The following KIF13B variants were observed in gnomAD, a reference collection of about 807,000 sequenced individuals.
KIF13B encodes kinesin-like protein KIF13B.
Under a neutral mutation model 222.0 loss-of-function variants are expected in KIF13B, and 127 were observed. The observed-to-expected ratio is 0.57, with a 90% CI of 0.50 to 0.66. The LOEUF is 0.66. Among genes scored for constraint, KIF13B ranks in the 30% least tolerant of loss-of-function variants. The pLI is 0.00. For synonymous variants in KIF13B, 976 were observed against 919.0 expected, an observed-to-expected ratio of 1.06 and a Z score of -1.12; for missense variants, 2,173 against 2,379.0, an observed-to-expected ratio of 0.91 and a Z score of 1.80.
intron 37 of KIF13B, among the ~76,000 whole-genome samples, chr8:29,091,980 T>G (rs1259672586): frequency 6.6e-6 from 1 of 152,264 alleles, no homozygotes; most frequent in Non-Finnish European, 1.5e-5. Flanking sequence ...ATTCTTTAGT[T>G]AAGTCTCAGA....
At chr8:29,178,683 T>TTTTTG (rs896046885) in intron 8 of KIF13B, among the ~76,000 whole-genome samples, 5 of 151,872 alleles carry the variant, frequency 3.3e-5, no homozygotes, top group Non-Finnish European at 5.9e-5. Flanking sequence ...TTCAGTATGT[T>TTTTTG]TTTTGTTTTA....
chr8:29,107,947 C>CAA (rs1809169726), intron 35 of KIF13B, among the ~76,000 whole-genome samples, 192 bp downstream of exon 35: 1 of 152,100 alleles, frequency 6.6e-6, no homozygotes, highest in Non-Finnish European at 1.5e-5. Flanking sequence ...CCCCAGTAGT[C>CAA]AGAGTCTAAT....
At chr8:29,256,862 A>C (rs1482961406) in intron 1 of KIF13B, among the ~76,000 whole-genome samples, 2 of 152,088 alleles carry the variant, frequency 1.3e-5, no homozygotes, top group Non-Finnish European at 2.9e-5. Flanking sequence ...TGAAGCGATT[A>C]TCCCACCTCA....
rs376444669 is a variant in KIF13B, at chr8:29,167,517, A to G, written c.1014T>C (p.Asp338=). 10 of 1,613,932 alleles carry G rather than the reference A, an allele frequency of 6.2e-6. No individual in the cohort carries two copies. The highest frequency in any genetic ancestry group is 5.3e-5 in the African/African-American group (4 of 74,932). ...ATVSPAADNY[D]ETLSTLRYAD... ...CATACCGCAGAGTTGAGAGGGTTTC[A>G]TCATAGTTATCAGCTGCAGGACTCA... Residue 338 remains aspartate, a synonymous_variant, in exon 11 of 40, where the codon GAT becomes GAC. Transcript: ENST00000524189.
chr8:29,161,508 C>T (rs140487679), intron 12 of KIF13B, among the ~76,000 whole-genome samples: 434 of 152,212 alleles, frequency 2.9e-3, no homozygotes, highest in African/African-American at 9.9e-3. Flanking sequence ...CGTTCAAGAC[C>T]AGCCTGGTGA....
intron 2 of KIF13B, among the ~76,000 whole-genome samples, chr8:29,235,022 T>C (rs62505663): frequency 3.2e-4 from 48 of 152,206 alleles, no homozygotes; most frequent in Non-Finnish European, 6.6e-4. Context: ...TGCCTGAGTA[T>C]GCAATCTCTA....
At chr8:29,223,323 C>T (rs1332369751) in intron 2 of KIF13B, among the ~76,000 whole-genome samples, 3 of 133,130 alleles carry the variant, frequency 2.3e-5, no homozygotes, top group Middle Eastern at 3.7e-3. Context: ...GTGAGAGAGA[C>T]CCTGTCTCAA....
At chr8:29,262,461 G>GC (rs993340023) in intron 1 of KIF13B, among the ~76,000 whole-genome samples, 32 of 152,130 alleles carry the variant, frequency 2.1e-4, no homozygotes, top group Non-Finnish European at 1.6e-4. Flanking sequence ...CACCCGCCTG[G>GC]CCCCCTGCCC....
chr8:29,233,446 G>A (rs1271175228), intron 2 of KIF13B, among the ~76,000 whole-genome samples: 1 of 152,184 alleles, frequency 6.6e-6, no homozygotes, highest in East Asian at 1.9e-4. Flanking sequence ...TAGCAACCCA[G>A]GGATGACTTA....
At chr8:29,131,389 T>C (rs931325372) in intron 23 of KIF13B, among the ~76,000 whole-genome samples, 8 of 151,426 alleles carry the variant, frequency 5.3e-5, no homozygotes, top group African/African-American at 1.2e-4. Context: ...TTTTCGTAGA[T>C]AGACAAAGGT....
chr8:29,181,951 C>T lies in KIF13B; in HGVS notation c.553G>A (p.Gly185Arg), dbSNP rs761142986. The change falls in exon 7 of 40, where the codon GGA becomes AGA. Residue 185 changes from glycine to arginine, a missense_variant. Coordinates refer to ENST00000524189, the MANE Select transcript of KIF13B (RefSeq NM_015254.4). ...CTTGTGACAGCCAGTTTAGAAAGTC[C>T]GTCGACATAAGGTCCCAACACACTA... Reference protein sequence around the residue: ...EHSVLGPYVDGLSKLAVTSYK... With the variant: ...EHSVLGPYVDRLSKLAVTSYK... The T allele has an allele frequency of 1.7e-5, 27 of 1,613,350 alleles. No homozygotes were observed. Among genetic ancestry groups the T allele is most frequent in the Non-Finnish European group, 1.5e-5 (18 of 1,179,618 alleles).
intron 11 of KIF13B, 80 bp from the exon 12 acceptor site, chr8:29,165,852 G>GT: frequency 1.1e-6 from 1 of 926,324 alleles, no homozygotes; most frequent in South Asian, 1.4e-5. Flanking sequence ...AAGGACAAAA[G>GT]TAACAATCTG....
At chr8:29,098,642 A>G (rs984699841) in intron 36 of KIF13B, among the ~76,000 whole-genome samples, 2 of 151,748 alleles carry the variant, frequency 1.3e-5, no homozygotes, top group African/African-American at 4.8e-5. Context: ...ATAATTTAAA[A>G]TCTCCCCACA....
chr8:29,197,357 A>AAAAAC (rs1563779893), intron 2 of KIF13B, among the ~76,000 whole-genome samples: 3 of 149,628 alleles, frequency 2.0e-5, no homozygotes, highest in Non-Finnish European at 1.5e-5. Context: ...AAAAAAAAAA[A>AAAAAC]AAAACTCAAT....
intron 38 of KIF13B, 49 bp downstream of exon 38, chr8:29,075,232 C>T (rs1292692867): frequency 1.3e-6 from 2 of 1,491,452 alleles, no homozygotes; most frequent in African/African-American, 2.8e-5. Flanking sequence ...GCATCAGGGC[C>T]ACCTGCTCGC....
chr8:29,166,989 G>A (rs1377523041), intron 11 of KIF13B, among the ~76,000 whole-genome samples: 1 of 152,128 alleles, frequency 6.6e-6, no homozygotes, highest in Admixed American at 6.5e-5. Flanking sequence ...CTTCTACCAG[G>A]TAACAAATGA....
chr8:29,109,880 G>A, intron 33 of KIF13B, 38 bp downstream of exon 33: 1 of 1,604,918 alleles, frequency 6.2e-7, no homozygotes, highest in Non-Finnish European at 8.5e-7. Context: ...CCTGCATCAG[G>A]GCCTCTGCTG....
chr8:29,160,346 T>G (rs1337311585), intron 13 of KIF13B, among the ~76,000 whole-genome samples: 1 of 152,224 alleles, frequency 6.6e-6, no homozygotes, highest in Non-Finnish European at 1.5e-5. Context: ...TTTATACATT[T>G]TTTTCTTGTG....
At chr8:29,154,406 A>G (rs1586851527) in intron 14 of KIF13B, among the ~76,000 whole-genome samples, 1 of 151,298 alleles carries the variant, frequency 6.6e-6, no homozygotes, top group African/African-American at 2.4e-5. Flanking sequence ...GGAAGAGGGG[A>G]GGGGAGGCAG....
Sources: allele counts gnomAD v4.1 joint callset (sites outside exome capture counted in the v4.1 genomes callset), GRCh38; gene constraint gnomAD v4.1.1; transcripts MANE v1.5; gene names NCBI Gene and HGNC (gene_info 2026-07-23, HGNC 2026-07-21).